Variants in TGFBRAP1 observed in about 807,000 individuals in gnomAD.
TGFBRAP1 encodes the protein transforming growth factor beta receptor associated protein 1.
Under a neutral mutation model 83.2 loss-of-function variants are expected in TGFBRAP1, and 20 were observed. That is an observed-to-expected ratio of 0.24 (90% confidence interval 0.17 to 0.35). The LOEUF is 0.35. TGFBRAP1 is among the 10% of genes least tolerant of loss of function. The pLI, the probability that TGFBRAP1 is intolerant of heterozygous loss-of-function variation, is 1.00. For synonymous variants in TGFBRAP1, 415 were observed against 459.8 expected, an observed-to-expected ratio of 0.90 and a Z score of 1.25; for missense variants, 950 against 1,099.4, an observed-to-expected ratio of 0.86 and a Z score of 1.92.
rs76483951 is a variant in TGFBRAP1, at chr2:105,280,642, G to A, written c.1203C>T (p.His401=). The A allele has an allele frequency of 1.1e-4, 174 of 1,614,174 alleles. No homozygotes were observed. In the African/African-American group the frequency reaches 1.9e-3, roughly 17 times the overall value. The change falls in exon 6 of 12, where the codon CAC becomes CAT. Residue 401 remains histidine (H), a synonymous_variant. Transcript: ENST00000393359. Reference sequence around the variant, plus strand: ...GGTCTGCGTACTCATGAAGAGGAGGGTGGGACCGGGTGAAGGAGGAGGAGG... The same window carrying A: ...GGTCTGCGTACTCATGAAGAGGAGGATGGGACCGGGTGAAGGAGGAGGAGG... ...LPTSSSFTRS[H]PPLHEYADLN...
intron 2 of TGFBRAP1, 115 bp from the exon 3 acceptor site, chr2:105,298,820 C>T (rs941492433): frequency 2.1e-6 from 2 of 941,866 alleles, no homozygotes; most frequent in Admixed American, 3.4e-5. Flanking sequence ...CCTGTACAGT[C>T]TTATATTTCA....
At chr2:105,279,417 C>T (rs1313866527) in intron 6 of TGFBRAP1, among the ~76,000 whole-genome samples, 1 of 152,036 alleles carries the variant, frequency 6.6e-6, no homozygotes, top group Non-Finnish European at 1.5e-5. Flanking sequence ...ACCACCACAC[C>T]CAGCTAATTT....
chr2:105,284,358 T>C lies in TGFBRAP1; in HGVS notation c.1079A>G (p.Gln360Arg), dbSNP rs1677643219. 1.9e-6 allele frequency: 3 copies of C among 1,613,962 alleles called. No individual in the cohort carries two copies. Among genetic ancestry groups the C allele is most frequent in the African/African-American group, 2.7e-5 (2 of 74,908 alleles). Reference protein sequence around the residue: ...RRILQQAGFIQFAQLQFLEAK... With the variant: ...RRILQQAGFIRFAQLQFLEAK... The stretch of plus-strand genomic sequence containing the variant: ...TTCCAGGAACTGAAGTTGTGCAAAC[T>C]GTATAAATCCCGCCTGCTGCAGAAT... Residue 360 changes from glutamine (Q) to arginine (R), a missense_variant, in exon 5 of 12, where the codon CAG (glutamine) becomes CGG (arginine). Transcript: ENST00000393359.
chr2:105,308,330 A>G lies in TGFBRAP1; in HGVS notation c.-17-12T>C, dbSNP rs1678589662. On this transcript the variant is annotated splice_polypyrimidine_tract_variant and intron_variant, in intron 1 of 11. Coordinates refer to ENST00000393359, the MANE Select transcript of TGFBRAP1 (RefSeq NM_004257.6). The stretch of plus-strand genomic sequence containing the variant: ...TACTGGCTGATCTGCTGGAAGAGAA[A>G]GAGGAAAACTAATTTTAGAGGAACA... 6.3e-7 allele frequency: 1 copy of G among 1,575,558 alleles called. No homozygotes were observed. Among genetic ancestry groups the G allele is most frequent in the South Asian group, 1.1e-5 (1 of 87,572 alleles).
rs1017190557 is a variant in TGFBRAP1 at position 105,308,959 on chromosome 2, C to T, written c.-17-641G>A. On this transcript the variant is annotated intron_variant, in intron 1 of 11. Coordinates refer to ENST00000393359, the MANE Select transcript of TGFBRAP1 (RefSeq NM_004257.6). ...CTTCCCAATAAGGCAGGCGCATCAG[C>T]CTCAGCTCCGGAGTAAATGTATTCA... is the stretch of plus-strand genomic sequence containing the variant. Among the ~76,000 whole-genome samples the T allele has an allele frequency of 1.3e-5, 2 of 152,280 alleles. 1 individual carries two copies.
chr2:105,267,669 T>C lies in TGFBRAP1; in HGVS notation c.2407-110A>G, dbSNP rs1391313179. The C allele has an allele frequency of 9.3e-6, 14 of 1,508,138 alleles. No homozygotes were observed. In the Admixed American group the frequency reaches 2.5e-4, roughly 27 times the overall value. 93.4% of individuals were successfully genotyped at this position (1,508,138 alleles called of 1,614,324 possible). The stretch of plus-strand genomic sequence containing the variant: ...TGCATTACTCCATGGGTTATTATTA[T>C]GATGAGGATTTCTTTAATATCAACT... On this transcript the variant is annotated intron_variant, in intron 11 of 11. Coordinates refer to ENST00000393359, the MANE Select transcript of TGFBRAP1 (RefSeq NM_004257.6).
In TGFBRAP1 at chr2:105,281,628, C is replaced by A. The variant is rs962383918; in HGVS notation, c.1122-905G>T. ...ATAACCCACAGGATAAATTTCAAAT[C>A]TCTTAGTATGGCATTCAAGGCCCTT... On this transcript the variant is annotated intron_variant, in intron 5 of 11. Transcript: ENST00000393359. 2.6e-5 allele frequency among the ~76,000 whole-genome samples: 4 copies of A among 152,206 alleles called. No individual in the cohort carries two copies. The South Asian group carries it at 6.2e-4, about 24-fold the overall frequency.
At chr2:105,279,662 C>T (rs79170628) in intron 6 of TGFBRAP1, among the ~76,000 whole-genome samples, 1,851 of 152,212 alleles carry the variant, frequency 0.012, 47 homozygotes, top group African/African-American at 0.043. Context: ...TTGTCAGTAA[C>T]TAAAATGCAC....
chr2:105,307,168 A>G (rs1678528651), intron 2 of TGFBRAP1, among the ~76,000 whole-genome samples: 1 of 149,440 alleles, frequency 6.7e-6, no homozygotes, highest in South Asian at 2.1e-4. Flanking sequence ...CCGATGCAGA[A>G]CTCTCAGGGC....
intron 7 of TGFBRAP1, among the ~76,000 whole-genome samples, 176 bp from the exon 8 acceptor site, chr2:105,275,879 G>C (rs576250676): frequency 7.9e-5 from 12 of 151,186 alleles, no homozygotes; most frequent in Non-Finnish European, 1.6e-4. Context: ...GAGAAATAAA[G>C]AAATGTAAAA....
chr2:105,269,614 G>C lies in TGFBRAP1; in HGVS notation c.2064C>G (p.His688Gln). ...EHEKALHILV[H>Q]ELQDFAAAED... ...CGGCCGCTGCAAAGTCCTGCAGCTC[G>C]TGCACCAGGATATGCAGCGCCTTCT... The change falls in exon 11 of 12, where the codon CAC (histidine) becomes CAG (glutamine). Residue 688 changes from histidine to glutamine, a missense_variant. Coordinates refer to ENST00000393359, the MANE Select transcript of TGFBRAP1 (RefSeq NM_004257.6). The surrounding 1 kb of genome is among the most constrained non-coding windows in gnomAD (Gnocchi z 4.1). 1 of 1,607,956 alleles carries C rather than the reference G, an allele frequency of 6.2e-7. No individual in the cohort carries two copies. Among genetic ancestry groups the C allele is most frequent in the South Asian group, 1.1e-5 (1 of 90,672 alleles).
rs1176444110 is a variant in TGFBRAP1, at chr2:105,282,831, G to A, written c.1121+1485C>T. On this transcript the variant is annotated intron_variant, in intron 5 of 11. Coordinates refer to ENST00000393359, the MANE Select transcript of TGFBRAP1 (RefSeq NM_004257.6). ...ACAGAATGAGATGCTGCTTCAAAAC[G>A]AAAAAAAAAAAAAAAATCCGTTCTC... Among the ~76,000 whole-genome samples, 367 of 132,942 alleles carry A rather than the reference G, an allele frequency of 2.8e-3. 1 individual carries two copies. Among genetic ancestry groups the A allele is most frequent in the Non-Finnish European group, 4.0e-3 (250 of 62,458 alleles). The allele number at this position is 132,942 out of a possible 152,430, so 87.2% of individuals were successfully genotyped here.
At chr2:105,294,969 G>A (rs1328271295) in intron 4 of TGFBRAP1, among the ~76,000 whole-genome samples, 1 of 152,152 alleles carries the variant, frequency 6.6e-6, no homozygotes, top group East Asian at 1.9e-4. Flanking sequence ...AGAAGGGGCT[G>A]AGAGCACATG....
the TGFBRAP1 span, among the ~76,000 whole-genome samples, chr2:105,253,078 T>C: frequency 4.6e-5 from 7 of 151,772 alleles, no homozygotes; most frequent in Non-Finnish European, 1.0e-4. Flanking sequence ...ATCTTAAAAC[T>C]TAAGTTATAA....
chr2:105,324,865 C>T (rs920599460), intron 1 of TGFBRAP1, among the ~76,000 whole-genome samples: 39 of 152,258 alleles, frequency 2.6e-4, no homozygotes, highest in African/African-American at 8.9e-4. Flanking sequence ...TGGGCCACCC[C>T]GGCAGTGAAC....
intron 1 of TGFBRAP1, among the ~76,000 whole-genome samples, chr2:105,319,743 CTATA>C (rs1678999799): frequency 1.4e-5 from 2 of 147,162 alleles, no homozygotes; most frequent in African/African-American, 5.0e-5. Context: ...CCAACATTAA[CTATA>C]TAAATATTAG....
the TGFBRAP1 span, among the ~76,000 whole-genome samples, chr2:105,257,785 C>T: frequency 1.3e-5 from 2 of 152,118 alleles, no homozygotes; most frequent in African/African-American, 2.4e-5. Flanking sequence ...GCTTATTGCC[C>T]TAATCCCTCC....
chr2:105,288,128 G>A (rs1028704468), intron 4 of TGFBRAP1, among the ~76,000 whole-genome samples: 1 of 152,190 alleles, frequency 6.6e-6, no homozygotes, highest in African/African-American at 2.4e-5. Flanking sequence ...TGTGAGCTCA[G>A]ACTAGAATAT....
chr2:105,287,603 A>C lies in TGFBRAP1; in HGVS notation c.1039-3205T>G, dbSNP rs138135286. On this transcript the variant is annotated intron_variant, in intron 4 of 11. Coordinates refer to ENST00000393359, the MANE Select transcript of TGFBRAP1 (RefSeq NM_004257.6). ...GCTGCATCTTCATCTTTATACAGGGAGCAGAACCGTGCAACCTCAGAGTTG... is the reference window on the plus strand; with the variant it reads ...GCTGCATCTTCATCTTTATACAGGGCGCAGAACCGTGCAACCTCAGAGTTG... Among the ~76,000 whole-genome samples the C allele has an allele frequency of 1.9e-3, 294 of 152,200 alleles. 2 individuals are homozygous for C. The highest frequency in any genetic ancestry group is 6.6e-3 in the African/African-American group (274 of 41,528).
Sources: gnomAD v4.1 joint callset for allele counts (sites outside exome capture counted in the v4.1 genomes callset) on GRCh38, gnomAD v4.1.1 for gene constraint, Gnocchi (gnomAD v3.1) non-coding constraint, MANE v1.5 for transcripts, NCBI Gene and HGNC (gene_info 2026-07-23, HGNC 2026-07-21) for gene names.